Variants in PDE1C observed in about 807,000 individuals in gnomAD.
PDE1C encodes dual specificity calcium/calmodulin-dependent 3',5'-cyclic nucleotide phosphodiesterase 1C.
Under a neutral mutation model 93.1 loss-of-function variants are expected in PDE1C, and 62 were observed. That is an observed-to-expected ratio of 0.67 (90% CI 0.54 to 0.82). The LOEUF is 0.82. Among genes scored for constraint, PDE1C ranks in the 40% least tolerant of loss-of-function variants. The pLI is 0.00. For missense variants in PDE1C, 742 were observed against 884.6 expected (o/e 0.84, Z 2.04); for synonymous variants, 325 against 310.1 (o/e 1.05, Z -0.50).
At chr7:31,985,483 T>C (rs1783257394) in intron 2 of PDE1C, among the ~76,000 whole-genome samples, 1 of 152,180 alleles carries the variant, frequency 6.6e-6, no homozygotes, top group African/African-American at 2.4e-5. Context: ...GCAGGTTTGA[T>C]ACATAGCTAT....
chr7:32,023,568 C>T (rs1788994127), intron 2 of PDE1C, among the ~76,000 whole-genome samples: 1 of 151,740 alleles, frequency 6.6e-6, no homozygotes, highest in African/African-American at 2.4e-5. Flanking sequence ...AATTTTGGCA[C>T]ATCCGTACCG....
At chr7:32,256,204 T>G (rs1809784123) in intron 1 of PDE1C, among the ~76,000 whole-genome samples, 2 of 152,196 alleles carry the variant, frequency 1.3e-5, no homozygotes, top group Non-Finnish European at 1.5e-5. Flanking sequence ...TGTGAACATA[T>G]GAACTTTAGC....
chr7:32,056,510 G>A lies in PDE1C; in HGVS notation c.102-4930C>T, dbSNP rs73318370. ...ATCCCTTCTCCAACTTATTGTGTCC[G>A]ACAGGCTGCATGACCTTTAGCAACT... On this transcript the variant is annotated intron_variant, in intron 1 of 17. Transcript: ENST00000396191. Among the ~76,000 whole-genome samples, 1,323 of 152,150 alleles carry A rather than the reference G, an allele frequency of 8.7e-3. 19 individuals are homozygous for A. The highest frequency in any genetic ancestry group is 0.031 in the African/African-American group (1,267 of 41,508).
chr7:32,050,803 G>A (rs1203294528), intron 2 of PDE1C, among the ~76,000 whole-genome samples: 1 of 152,090 alleles, frequency 6.6e-6, no homozygotes, highest in African/African-American at 2.4e-5. Flanking sequence ...ATCTGTCAAC[G>A]GGTCCTGTAA....
intron 2 of PDE1C, among the ~76,000 whole-genome samples, chr7:31,978,677 C>T (rs1366070150): frequency 2.0e-5 from 3 of 152,134 alleles, no homozygotes; most frequent in Non-Finnish European, 2.9e-5. Context: ...AGGACTCTGG[C>T]GTGTTTTTTA....
At chr7:32,369,813 T>G (rs1191817056) in intron 1 of PDE1C, among the ~76,000 whole-genome samples, 1 of 152,074 alleles carries the variant, frequency 6.6e-6, no homozygotes, top group East Asian at 1.9e-4. Flanking sequence ...ATGATGATCA[T>G]TAAAAAGTCA....
At chr7:32,102,311 A>G (rs541860958) in intron 3 of PDE1C, among the ~76,000 whole-genome samples, 1 of 152,282 alleles carries the variant, frequency 6.6e-6, no homozygotes, top group East Asian at 1.9e-4. Flanking sequence ...GGGAATGGAA[A>G]GAAACCTCAA....
At chr7:32,069,221 A>T (rs1795740891) in intron 1 of PDE1C, among the ~76,000 whole-genome samples, 2 of 152,188 alleles carry the variant, frequency 1.3e-5, no homozygotes, top group Non-Finnish European at 2.9e-5. Flanking sequence ...AGAAACTTTG[A>T]ATATCAAGCT....
chr7:31,743,571 GTGCGCACACACA>G, the PDE1C span, among the ~76,000 whole-genome samples: 1 of 149,414 alleles, frequency 6.7e-6, no homozygotes, highest in Non-Finnish European at 1.5e-5. Flanking sequence ...GTGTGTGTGT[GTGCGCACACACA>G]CACACACACA....
chr7:32,337,915 T>C (rs1783662336), intron 1 of PDE1C, among the ~76,000 whole-genome samples: 1 of 152,118 alleles, frequency 6.6e-6, no homozygotes, highest in Non-Finnish European at 1.5e-5. Flanking sequence ...CTGAGAAAAC[T>C]GGATATTCAC....
chr7:32,297,415 G>GAA (rs1812657650), intron 1 of PDE1C, among the ~76,000 whole-genome samples: 1 of 152,034 alleles, frequency 6.6e-6, no homozygotes. Flanking sequence ...CCAAAAGTAG[G>GAA]AATCAGAGTG....
chr7:32,147,984 T>TAAAAAAAAAGAAAAAAAA (rs1801003373), intron 3 of PDE1C, among the ~76,000 whole-genome samples: 1 of 79,730 alleles, frequency 1.3e-5, no homozygotes, highest in Non-Finnish European at 2.2e-5. Flanking sequence ...CCATTTATGC[T>TAAAAAAAAAGAAAAAAAA]AAAAAAAAAA....
the PDE1C span, among the ~76,000 whole-genome samples, chr7:31,733,833 T>TA: frequency 1.2e-4 from 18 of 151,562 alleles, no homozygotes; most frequent in African/African-American, 3.2e-4. Flanking sequence ...CTGTCTTTAC[T>TA]AAAAAAAACA....
chr7:31,635,207 C>T, the PDE1C span, among the ~76,000 whole-genome samples: 2 of 152,212 alleles, frequency 1.3e-5, no homozygotes, highest in Non-Finnish European at 2.9e-5. Context: ...ATTTCTATGA[C>T]TCTAAGGGAA....
At chr7:31,964,352 C>T (rs149179291) in intron 2 of PDE1C, among the ~76,000 whole-genome samples, 6,075 of 152,178 alleles carry the variant, frequency 0.04, 132 homozygotes, top group South Asian at 0.091. Context: ...CGGAGCCTCG[C>T]TCACTGCTAG....
intron 1 of PDE1C, among the ~76,000 whole-genome samples, chr7:32,217,908 A>G (rs1806545346): frequency 6.6e-6 from 1 of 152,224 alleles, no homozygotes; most frequent in South Asian, 2.1e-4. Flanking sequence ...CATGCCTTTC[A>G]CAAGGCTGTG....
chr7:32,070,410 C>G (rs1795904682), upstream of PDE1C: 2 of 1,613,844 alleles, frequency 1.2e-6, no homozygotes, highest in African/African-American at 2.7e-5. Flanking sequence ...AGGTAGGTGA[C>G]CACTGGCGGT....
intron 2 of PDE1C, among the ~76,000 whole-genome samples, chr7:31,965,593 A>C (rs942692381): frequency 6.6e-6 from 1 of 152,226 alleles, no homozygotes; most frequent in Non-Finnish European, 1.5e-5. Context: ...ATCCAAATTC[A>C]GGAAATACAG....
At chr7:32,083,900 C>T (rs1443299451) in intron 3 of PDE1C, among the ~76,000 whole-genome samples, 7 of 151,540 alleles carry the variant, frequency 4.6e-5, no homozygotes, top group Admixed American at 2.6e-4. Context: ...CAAAATCATG[C>T]CAAAATGTAA....
Sources: allele counts gnomAD v4.1 joint callset (sites outside exome capture counted in the v4.1 genomes callset), GRCh38; gene constraint gnomAD v4.1.1; transcripts MANE v1.5; gene names NCBI Gene and HGNC (gene_info 2026-07-23, HGNC 2026-07-21).